RTL4: variants seen among roughly 807,000 people sequenced by gnomAD.
The protein encoded by RTL4 is retrotransposon Gag-like protein 4.
RTL4 carries 4 observed loss-of-function variants against 5.3 expected under a neutral mutation model. That is an observed-to-expected ratio of 0.75 (90% CI 0.37 to 1.72). The LOEUF (loss-of-function observed/expected upper bound fraction) is 1.72, where lower values mean the gene tolerates loss of function less well. RTL4 is among the 40% of genes most tolerant of loss of function. The probability of loss-of-function intolerance (pLI) is 0.04; values close to 1 mark genes in which losing one functional copy is unlikely to be tolerated. For missense variants in RTL4, 260 were observed against 227.1 expected, an observed-to-expected ratio of 1.14 and a Z score of -0.93; for synonymous variants, 98 against 87.3, an observed-to-expected ratio of 1.12 and a Z score of -0.68.
At chrX:112,374,350 C>A in the RTL4 span, among the ~76,000 whole-genome samples, 1 of 111,508 alleles carries the variant, frequency 9.0e-6, no homozygotes, top group Non-Finnish European at 1.9e-5. Flanking sequence ...CTCGATTGAT[C>A]TATTTGTCTA....
At chrX:112,303,674 G>A in the RTL4 span, among the ~76,000 whole-genome samples, 1 of 94,640 alleles carries the variant, frequency 1.1e-5, no homozygotes. Flanking sequence ...GAGTTAGTGG[G>A]TGCAGCACAC....
chrX:112,375,534 A>G, the RTL4 span, among the ~76,000 whole-genome samples: 4 of 111,144 alleles, frequency 3.6e-5, no homozygotes, highest in Non-Finnish European at 7.5e-5. Context: ...CATGGGGGAA[A>G]TCACAGGTTG....
the RTL4 span, among the ~76,000 whole-genome samples, chrX:112,212,142 C>G: frequency 1.0e-2 from 1,117 of 112,064 alleles, 19 homozygotes; most frequent in African/African-American, 0.034. Context: ...TTTGGGAGGC[C>G]GAGGCGGGCG....
chrX:112,204,452 G>A, the RTL4 span, among the ~76,000 whole-genome samples: 20 of 112,269 alleles, frequency 1.8e-4, no homozygotes, highest in Non-Finnish European at 3.4e-4. Flanking sequence ...TAAAGAATAT[G>A]TAGTACTTAT....
At chrX:112,259,996 C>A in the RTL4 span, among the ~76,000 whole-genome samples, 1 of 111,738 alleles carries the variant, frequency 8.9e-6, no homozygotes, top group African/African-American at 3.3e-5. Flanking sequence ...CTTCTGTACA[C>A]CCATGTTAAG....
the RTL4 span, among the ~76,000 whole-genome samples, chrX:112,310,762 C>A: frequency 2.8e-5 from 2 of 70,479 alleles, no homozygotes; most frequent in Non-Finnish European, 4.9e-5. Flanking sequence ...TAATATATTT[C>A]AATATTATAT....
At chrX:112,113,199 C>T in the RTL4 span, among the ~76,000 whole-genome samples, 15 of 110,298 alleles carry the variant, frequency 1.4e-4, no homozygotes, top group African/African-American at 1.6e-4. Flanking sequence ...TTAGACTGGG[C>T]GGGCATTTTT....
At chrX:112,216,834 C>CA in the RTL4 span, among the ~76,000 whole-genome samples, 1 of 112,029 alleles carries the variant, frequency 8.9e-6, no homozygotes, top group Non-Finnish European at 1.9e-5. Context: ...GGTAGTGGAA[C>CA]AGACCATTAA....
At chrX:112,402,008 T>C in the RTL4 span, among the ~76,000 whole-genome samples, 1 of 112,177 alleles carries the variant, frequency 8.9e-6, no homozygotes, top group South Asian at 3.7e-4. Flanking sequence ...CATCCTACTA[T>C]TTCTGCCCCC....
chrX:112,107,883 T>C, the RTL4 span, among the ~76,000 whole-genome samples: 418 of 112,210 alleles, frequency 3.7e-3, 1 homozygote, highest in African/African-American at 0.013. Context: ...TCCTATGGTT[T>C]CTTTAAATAA....
At chrX:112,451,577 A>G (rs751555371), upstream of RTL4, among the ~76,000 whole-genome samples, 77 of 112,151 alleles carry the variant, frequency 6.9e-4, no homozygotes, top group African/African-American at 2.3e-3. Flanking sequence ...TTTTCATAAC[A>G]TTATGAGGCA....
the RTL4 span, among the ~76,000 whole-genome samples, chrX:112,241,038 T>C: frequency 1.8e-4 from 20 of 111,755 alleles, no homozygotes; most frequent in Admixed American, 1.9e-3. Flanking sequence ...ATGGTGTATA[T>C]GTGCCACATT....
chrX:112,220,844 A>G, the RTL4 span, among the ~76,000 whole-genome samples: 1 of 111,757 alleles, frequency 8.9e-6, no homozygotes, highest in East Asian at 2.8e-4. Flanking sequence ...CAACATCACT[A>G]TCAGCATTTT....
chrX:112,419,577 A>G, the RTL4 span, among the ~76,000 whole-genome samples: 88 of 22,293 alleles, frequency 3.9e-3, no homozygotes, highest in African/African-American at 7.6e-3. Context: ...CCAAGGTAGT[A>G]TATATATATA....
chrX:112,401,346 T>C, the RTL4 span, among the ~76,000 whole-genome samples: 1 of 111,619 alleles, frequency 9.0e-6, no homozygotes, highest in African/African-American at 3.3e-5. Flanking sequence ...TCATCCACCA[T>C]TGTGGGTCCA....
chrX:112,271,925 T>G, the RTL4 span, among the ~76,000 whole-genome samples: 1 of 112,177 alleles, frequency 8.9e-6, no homozygotes, highest in Non-Finnish European at 1.9e-5. Flanking sequence ...TGTTAAAATG[T>G]AACAATATGA....
chrX:112,106,639 AG>A, the RTL4 span, among the ~76,000 whole-genome samples: 442 of 112,045 alleles, frequency 3.9e-3, 1 homozygote, highest in Non-Finnish European at 7.1e-3. Flanking sequence ...TACTTCCACC[AG>A]CAGTCTATGA....
chrX:112,352,650 C>G, the RTL4 span, among the ~76,000 whole-genome samples: 2 of 111,283 alleles, frequency 1.8e-5, no homozygotes, highest in African/African-American at 3.3e-5. Flanking sequence ...GAAACTGGAT[C>G]CCTTCCTTAC....
chrX:112,093,400 T>G, the RTL4 span, among the ~76,000 whole-genome samples: 1 of 111,852 alleles, frequency 8.9e-6, no homozygotes, highest in Non-Finnish European at 1.9e-5. Context: ...TGTTAAGGTA[T>G]GTTGAACTTC....
Sources: allele counts gnomAD v4.1 joint callset (sites outside exome capture counted in the v4.1 genomes callset), GRCh38; gene constraint gnomAD v4.1.1; transcripts MANE v1.5; gene names NCBI Gene and HGNC (gene_info 2026-07-23, HGNC 2026-07-21).